Variants in CELF4 observed in about 807,000 individuals in gnomAD.
The protein encoded by CELF4 is CUG-BP- and ETR-3-like factor 4.
A neutral mutation model predicts 59.9 loss-of-function variants in CELF4; 18 were observed. The observed-to-expected ratio is 0.30, with a 90% CI of 0.21 to 0.45. CELF4 has a LOEUF of 0.45. Among genes scored for constraint, CELF4 ranks in the 20% least tolerant of loss-of-function variants. CELF4 has a pLI of 1.00. For missense variants in CELF4, 456 were observed against 689.0 expected (o/e 0.66, Z 3.79); for synonymous variants, 261 against 267.1 (o/e 0.98, Z 0.22).
At chr18:37,442,610 A>C (rs2099735535) in intron 2 of CELF4, among the ~76,000 whole-genome samples, 1 of 152,162 alleles carries the variant, frequency 6.6e-6, no homozygotes, top group South Asian at 2.1e-4. Flanking sequence ...GGAAGTCCAC[A>C]TGGCGACTCC....
At chr18:37,261,244 C>G (rs374193714) in intron 10 of CELF4, among the ~76,000 whole-genome samples, 2 of 151,932 alleles carry the variant, frequency 1.3e-5, no homozygotes, top group East Asian at 1.9e-4. Flanking sequence ...TCCAGCCCCC[C>G]CCACACCTCC....
intron 2 of CELF4, among the ~76,000 whole-genome samples, chr18:37,335,876 C>T (rs1603614995): frequency 6.6e-6 from 1 of 152,198 alleles, no homozygotes; most frequent in Non-Finnish European, 1.5e-5. Flanking sequence ...CTGGCATGGC[C>T]TCCAGCCCAA....
intron 2 of CELF4, among the ~76,000 whole-genome samples, chr18:37,409,845 C>CCTGCCATT (rs1211037288): frequency 1.3e-5 from 2 of 152,222 alleles, no homozygotes; most frequent in Non-Finnish European, 2.9e-5. Context: ...GGCCCAACCA[C>CCTGCCATT]CTGCCATTCT....
chr18:37,420,663 G>A lies in CELF4; in HGVS notation c.369+64862C>T, dbSNP rs943969724. Among the ~76,000 whole-genome samples the A allele has an allele frequency of 5.9e-5, 9 of 152,260 alleles. No homozygotes were observed. In the South Asian group the frequency reaches 6.2e-4, roughly 11 times the overall value. On this transcript the variant is annotated intron_variant, in intron 2 of 12. Transcript: ENST00000420428. Reference sequence around the variant, plus strand: ...GCCTCTGCTAGAGAACAGGTGACTCGTTCTCCAAGCATGGGGCCTGGAACC... The same window carrying A: ...GCCTCTGCTAGAGAACAGGTGACTCATTCTCCAAGCATGGGGCCTGGAACC...
At chr18:37,269,693 C>A (rs1267167648) in intron 8 of CELF4, among the ~76,000 whole-genome samples, 1 of 152,224 alleles carries the variant, frequency 6.6e-6, no homozygotes, top group Non-Finnish European at 1.5e-5. Context: ...ATGGTAGTTT[C>A]CTCCTTGGGA....
chr18:37,441,273 C>CTGTGTGTG (rs36008798), intron 2 of CELF4, among the ~76,000 whole-genome samples: 1,472 of 143,402 alleles, frequency 0.01, 19 homozygotes, highest in African/African-American at 0.034. Flanking sequence ...CTCAACAATG[C>CTGTGTGTG]TGTGTGTGTG....
intron 2 of CELF4, among the ~76,000 whole-genome samples, chr18:37,344,043 AC>A (rs1299114789): frequency 6.6e-6 from 1 of 152,148 alleles, no homozygotes; most frequent in Non-Finnish European, 1.5e-5. Context: ...CTTAGCATCA[AC>A]CTTTTACCCC....
At chr18:37,333,956 C>T (rs533938997) in intron 2 of CELF4, among the ~76,000 whole-genome samples, 9 of 152,210 alleles carry the variant, frequency 5.9e-5, no homozygotes, top group Non-Finnish European at 8.8e-5. Context: ...GGGAGGGCAC[C>T]GGGTCCATCC....
chr18:37,369,459 G>A (rs1452016334), intron 2 of CELF4, among the ~76,000 whole-genome samples: 2 of 152,168 alleles, frequency 1.3e-5, no homozygotes, highest in African/African-American at 2.4e-5. Flanking sequence ...GGGATGTAAG[G>A]ATTGCTCCTG....
At chr18:37,281,440 C>T (rs1351210960) in intron 3 of CELF4, among the ~76,000 whole-genome samples, 11 of 152,168 alleles carry the variant, frequency 7.2e-5, no homozygotes, top group East Asian at 1.9e-4. Context: ...CTTTTATTAC[C>T]GCAGTAGATT....
chr18:37,455,776 G>A (rs748248770), intron 2 of CELF4, among the ~76,000 whole-genome samples: 14 of 152,154 alleles, frequency 9.2e-5, no homozygotes, highest in African/African-American at 1.7e-4. Flanking sequence ...TCATATACCC[G>A]CAGCTGGGAC....
rs150851197 is a variant in CELF4, at chr18:37,328,249, G to T, written c.370-6368C>A. On this transcript the variant is annotated intron_variant, in intron 2 of 12. Coordinates refer to ENST00000420428, the MANE Select transcript of CELF4 (RefSeq NM_020180.4). ...TGGCAGAAGCAGGGGGATTCGCATT[G>T]AACGAGATCATGAAAGAAATCTGCA... Among the ~76,000 whole-genome samples the T allele has an allele frequency of 7.9e-5, 12 of 152,306 alleles. No homozygotes were observed. In the East Asian group the frequency reaches 2.3e-3, roughly 29 times the overall value.
intron 2 of CELF4, among the ~76,000 whole-genome samples, chr18:37,449,317 G>C (rs796947635): frequency 1.4e-4 from 21 of 152,284 alleles, no homozygotes; most frequent in African/African-American, 5.1e-4. Flanking sequence ...CAGTGTGACT[G>C]GGACAGCGGG....
chr18:37,456,097 C>G (rs902508105), intron 2 of CELF4, among the ~76,000 whole-genome samples: 4 of 152,196 alleles, frequency 2.6e-5, no homozygotes, highest in African/African-American at 9.7e-5. Context: ...AGAGGGAACC[C>G]CAGAGCCTCG....
intron 2 of CELF4, among the ~76,000 whole-genome samples, chr18:37,466,826 G>T (rs1214653128): frequency 6.6e-6 from 1 of 152,184 alleles, no homozygotes; most frequent in Non-Finnish European, 1.5e-5. Context: ...CCCTGGAGAA[G>T]GTGGCATGTG....
chr18:37,281,388 G>A (rs1273339718), intron 3 of CELF4, among the ~76,000 whole-genome samples: 1 of 152,230 alleles, frequency 6.6e-6, no homozygotes, highest in African/African-American at 2.4e-5. Context: ...AAGGATAGAC[G>A]GTTGCAGGGG....
chr18:37,527,453 CAAG>C (rs1453453871), intron 1 of CELF4, among the ~76,000 whole-genome samples: 4 of 152,106 alleles, frequency 2.6e-5, no homozygotes, highest in African/African-American at 9.7e-5. Context: ...TTGGGGTAAT[CAAG>C]GTTTACGTGT....
Position 37,485,625 on chromosome 18 carries a change from C to A in CELF4, c.287-18G>T, listed in dbSNP as rs576960679. ...GGCGCAGCCTGGGGAGGAAAGCAAG[C>A]GCCAAGAAGGGTCAGTGGGGCGCCC... On this transcript the variant is annotated intron_variant, in intron 1 of 12. Transcript: ENST00000420428. 2.1e-6 allele frequency: 3 copies of A among 1,416,894 alleles called. No homozygotes were observed. The highest frequency in any genetic ancestry group is 2.8e-6 in the Non-Finnish European group (3 of 1,072,310). The allele number at this position is 1,416,894 out of a possible 1,614,324, so 87.8% of individuals were successfully genotyped here. A position where few individuals can be genotyped will look rare whatever the true frequency, so the allele number is the denominator to read the frequency against.
At chr18:37,525,559 C>T (rs2099962919) in intron 1 of CELF4, among the ~76,000 whole-genome samples, 1 of 128,530 alleles carries the variant, frequency 7.8e-6, no homozygotes, top group South Asian at 2.8e-4. Flanking sequence ...TTTCACATTT[C>T]TCGGGGACAA....
Sources: allele counts gnomAD v4.1 joint callset (sites outside exome capture counted in the v4.1 genomes callset), GRCh38; gene constraint gnomAD v4.1.1; transcripts MANE v1.5; gene names NCBI Gene and HGNC (gene_info 2026-07-23, HGNC 2026-07-21).